Variants in RPS6KA2 observed in about 807,000 individuals in gnomAD.
RPS6KA2 encodes ribosomal protein S6 kinase alpha-2.
In RPS6KA2, 42 loss-of-function variants were observed where a neutral mutation model predicts 91.8. That is an observed-to-expected ratio of 0.46 (90% CI 0.36 to 0.59). RPS6KA2 has a LOEUF of 0.59. RPS6KA2 is among the 20% of genes least tolerant of loss of function. RPS6KA2 has a pLI of 0.00. For synonymous variants in RPS6KA2, 414 were observed against 393.6 expected (o/e 1.05, Z -0.61); for missense variants, 798 against 978.5 (o/e 0.82, Z 2.46).
rs1562416062 is a variant in RPS6KA2, at chr6:166,748,562, CCTCAGGCCCCCACCTCCTCGGGCCCCCAT to C, written c.123+109609_123+109637del. Reference sequence around the variant, plus strand: ...CCCCCATCCCCTTGGGCCCCCACCTCCTCAGGCCCCCACCTCCTCGGGCCCCCATTTCCTCAGGCCCCCATTTCCCTGGG... The same window carrying C: ...CCCCCATCCCCTTGGGCCCCCACCTCTTCCTCAGGCCCCCATTTCCCTGGG... On this transcript the variant is annotated intron_variant, in intron 2 of 21. Transcript: ENST00000503859. Among the ~76,000 whole-genome samples the C allele has an allele frequency of 2.3e-3, 278 of 120,534 alleles. 16 individuals carry two copies. Among genetic ancestry groups the C allele is most frequent in the African/African-American group, 8.2e-3 (231 of 28,330 alleles). The allele number at this position is 120,534 out of a possible 152,430, so 79.1% of individuals were successfully genotyped here.
At chr6:166,473,940 GTTTT>G (rs5881697) in intron 10 of RPS6KA2, among the ~76,000 whole-genome samples, 2 of 112,084 alleles carry the variant, frequency 1.8e-5, no homozygotes, top group African/African-American at 3.4e-5. Flanking sequence ...TTGTTTAAAG[GTTTT>G]TTTTTTTTTT....
At chr6:166,588,771 G>A (rs188263074) in intron 1 of RPS6KA2, among the ~76,000 whole-genome samples, 200 of 152,282 alleles carry the variant, frequency 1.3e-3, no homozygotes, top group East Asian at 9.9e-3. Flanking sequence ...CTCAGGGCCC[G>A]AAGAGAGTCC....
At chr6:166,744,391 G>A (rs757900900) in intron 2 of RPS6KA2, among the ~76,000 whole-genome samples, 2 of 152,172 alleles carry the variant, frequency 1.3e-5, no homozygotes, top group Non-Finnish European at 2.9e-5. Context: ...CCCGGGCCCG[G>A]GGAGTCGGAG....
At position 166,692,433 on chromosome 6, in the gene RPS6KA2, T is replaced by C. The variant is rs922980881; in HGVS notation, c.124-153649A>G. ...GAGATGGACGATGGAAACCCAGCCA[T>C]GGCAAACTCAAGGACAAGACAGAAT... On this transcript the variant is annotated intron_variant, in intron 2 of 21. Transcript: ENST00000503859. Among the ~76,000 whole-genome samples, 4 of 152,168 alleles carry C rather than the reference T, an allele frequency of 2.6e-5. No homozygotes were observed. The East Asian group carries it at 7.7e-4, about 29-fold the overall frequency.
intron 10 of RPS6KA2, among the ~76,000 whole-genome samples, chr6:166,474,832 C>G (rs933580979): frequency 6.6e-6 from 1 of 152,148 alleles, no homozygotes; most frequent in African/African-American, 2.4e-5. Context: ...CACCCACAAC[C>G]GCGAGCCTCT....
chr6:166,615,920 C>T (rs1786392546), intron 1 of RPS6KA2, among the ~76,000 whole-genome samples: 1 of 152,170 alleles, frequency 6.6e-6, no homozygotes, highest in South Asian at 2.1e-4. Context: ...GGAGACATCT[C>T]CCTGCATACA....
intron 2 of RPS6KA2, among the ~76,000 whole-genome samples, chr6:166,785,014 A>G (rs1414470165): frequency 6.6e-6 from 1 of 152,202 alleles, no homozygotes; most frequent in Non-Finnish European, 1.5e-5. Context: ...GGTCCTTCTT[A>G]GAGCAGGTTG....
intron 2 of RPS6KA2, among the ~76,000 whole-genome samples, chr6:166,800,018 C>T (rs1050450879): frequency 6.0e-5 from 9 of 149,894 alleles, no homozygotes; most frequent in African/African-American, 2.0e-4. Flanking sequence ...AGAAGCTTTT[C>T]GTGGAGACCG....
intron 2 of RPS6KA2, among the ~76,000 whole-genome samples, chr6:166,723,445 AG>A (rs1238577425): frequency 6.6e-6 from 1 of 151,910 alleles, no homozygotes; most frequent in African/African-American, 2.4e-5. Flanking sequence ...TCTTCACCCC[AG>A]GGGGGTCCCA....
rs113235702 is a variant in RPS6KA2, at chr6:166,797,923, C to T, written c.123+60277G>A. Among the ~76,000 whole-genome samples, 570 of 152,092 alleles carry T rather than the reference C, an allele frequency of 3.7e-3. 5 individuals carry two copies. Among genetic ancestry groups the T allele is most frequent in the African/African-American group, 0.013 (549 of 41,492 alleles). On this transcript the variant is annotated intron_variant, in intron 2 of 21. Coordinates refer to the RPS6KA2 transcript ENST00000503859. ...GTCAAGGGAGGTAAAAGAATCAAAC[C>T]TTGATGACCAGAAGACACTGGAGTA...
In RPS6KA2 at chr6:166,714,146, T is replaced by TC. The variant is rs3832429; in HGVS notation, c.123+144053dup. Among the ~76,000 whole-genome samples the TC allele has an allele frequency of 1.2e-3, 187 of 152,324 alleles. 1 individual carries two copies. In the East Asian group the frequency reaches 0.034, roughly 28 times the overall value. ...GAGCCTAATCCCAGCCCACAGGGTA[T>TC]CAGGCAGGGTTACCCCCAGCACGCT... On this transcript the variant is annotated intron_variant, in intron 2 of 21. Transcript: ENST00000503859.
chr6:166,850,287 C>G (rs1285250308), intron 2 of RPS6KA2, among the ~76,000 whole-genome samples: 1 of 151,600 alleles, frequency 6.6e-6, no homozygotes, highest in African/African-American at 2.4e-5. Context: ...TGCATCTTAC[C>G]CAAACACACA....
At chr6:166,787,593 C>T (rs971491723) in intron 2 of RPS6KA2, among the ~76,000 whole-genome samples, 1 of 151,956 alleles carries the variant, frequency 6.6e-6, no homozygotes, top group African/African-American at 2.4e-5. Context: ...AGCATTTATA[C>T]CCTTCACTGG....
At chr6:166,721,875 G>A (rs958279383) in intron 2 of RPS6KA2, among the ~76,000 whole-genome samples, 5 of 151,402 alleles carry the variant, frequency 3.3e-5, no homozygotes, top group Admixed American at 1.3e-4. Flanking sequence ...CCTCGGCCCC[G>A]GATCCAGATC....
chr6:166,780,573 A>C lies in RPS6KA2; in HGVS notation c.123+77627T>G, dbSNP rs144163042. On this transcript the variant is annotated intron_variant, in intron 2 of 21. Transcript: ENST00000503859. ...CTCTGGCAAATGCGTATACCACAGA[A>C]GCCAGAGGTTCCCTTCATGGGCCCA... 5.9e-5 allele frequency among the ~76,000 whole-genome samples: 9 copies of C among 152,302 alleles called. No homozygotes were observed. The East Asian group carries it at 1.4e-3, about 23-fold the overall frequency.
intron 1 of RPS6KA2, among the ~76,000 whole-genome samples, chr6:166,560,755 G>A (rs1247984209): frequency 6.6e-6 from 1 of 152,152 alleles, no homozygotes; most frequent in East Asian, 1.9e-4. Context: ...CAAGTGAACA[G>A]GAGGACTGGC....
intron 2 of RPS6KA2, among the ~76,000 whole-genome samples, chr6:166,851,242 AG>A (rs757305930): frequency 2.0e-5 from 3 of 152,208 alleles, no homozygotes; most frequent in Non-Finnish European, 4.4e-5. Flanking sequence ...CCACGCCACC[AG>A]TCCTCAGGGG....
intron 1 of RPS6KA2, among the ~76,000 whole-genome samples, chr6:166,553,294 G>C (rs1761308909): frequency 6.6e-6 from 1 of 151,738 alleles, no homozygotes; most frequent in Admixed American, 6.6e-5. Flanking sequence ...AATTTTCTTT[G>C]TATTTTTTTG....
rs555045351 is a variant in RPS6KA2, at chr6:166,833,271, T to C, written c.123+24929A>G. Among the ~76,000 whole-genome samples the C allele has an allele frequency of 7.2e-5, 11 of 152,356 alleles. No individual in the cohort carries two copies. The South Asian group carries it at 2.1e-3, about 29-fold the overall frequency. On this transcript the variant is annotated intron_variant, in intron 2 of 21. Transcript: ENST00000503859. ...AGGAAGGCATCAGGAACAACAAAGA[T>C]GAAACTGTCTACATCTACATTAATA... is the stretch of plus-strand genomic sequence containing the variant.
Sources: allele counts gnomAD v4.1 joint callset (sites outside exome capture counted in the v4.1 genomes callset), GRCh38; gene constraint gnomAD v4.1.1; transcripts MANE v1.5; gene names NCBI Gene and HGNC (gene_info 2026-07-23, HGNC 2026-07-21).